Variants in RTKN2 observed in about 807,000 individuals in gnomAD.
The protein encoded by RTKN2 is rhotekin-2.
In RTKN2, 69 loss-of-function variants were observed where a neutral mutation model predicts 71.5. That is an observed-to-expected ratio of 0.96 (90% confidence interval 0.79 to 1.18). The LOEUF (loss-of-function observed/expected upper bound fraction) is 1.18, where lower values mean the gene tolerates loss of function less well. RTKN2 is among the 50% of genes most tolerant of loss of function. RTKN2 has a pLI of 0.00. For missense variants in RTKN2, 724 were observed against 719.7 expected, an observed-to-expected ratio of 1.01 and a Z score of -0.07; for synonymous variants, 236 against 236.5, an observed-to-expected ratio of 1.00 and a Z score of 0.02.
intron 2 of RTKN2, among the ~76,000 whole-genome samples, chr10:62,255,248 A>T (rs1379507286): frequency 6.6e-6 from 1 of 152,176 alleles, no homozygotes; most frequent in African/African-American, 2.4e-5. Context: ...CATCTCTTTC[A>T]TCACTATGTC....
At chr10:62,239,831 G>A (rs1179772056) in intron 4 of RTKN2, 66 bp from the exon 5 acceptor site, 1 of 786,064 alleles carries the variant, frequency 1.3e-6, no homozygotes, top group Non-Finnish European at 2.2e-6. Flanking sequence ...AAATCTACTT[G>A]AAAATAAATA....
intron 6 of RTKN2, among the ~76,000 whole-genome samples, chr10:62,232,784 C>T (rs768245600): frequency 4.6e-5 from 7 of 151,518 alleles, no homozygotes; most frequent in Non-Finnish European, 7.4e-5. Flanking sequence ...AAAATAGTAA[C>T]CATAATGGTA....
chr10:62,222,675 A>T (rs10733771), intron 7 of RTKN2, among the ~76,000 whole-genome samples: 1 of 151,944 alleles, frequency 6.6e-6, no homozygotes, highest in Admixed American at 6.6e-5. Flanking sequence ...TTTTCATCAC[A>T]AGTAAAATAA....
chr10:62,194,963 A>C lies in RTKN2; in HGVS notation c.*2945T>G, dbSNP rs1798098577. 7.1e-6 allele frequency: 7 copies of C among 985,300 alleles called. No homozygotes were observed. The highest frequency in any genetic ancestry group is 1.7e-5 in the African/African-American group (1 of 57,246). 61.0% of individuals were successfully genotyped at this position (985,300 alleles called of 1,614,324 possible). On this transcript the variant is annotated 3_prime_UTR_variant, in exon 12 of 12. Coordinates refer to ENST00000373789, the MANE Select transcript of RTKN2 (RefSeq NM_145307.4). The stretch of plus-strand genomic sequence containing the variant: ...AAGGAGGATTTAACAAAACTCAGCA[A>C]GAGTTGGCACGCCTGATATTTTTGA...
downstream of RTKN2, among the ~76,000 whole-genome samples, chr10:62,189,459 G>C (rs947972840): frequency 1.3e-5 from 2 of 152,156 alleles, no homozygotes; most frequent in East Asian, 3.9e-4. Context: ...TGATGTTGCT[G>C]AGGACCCCTG....
chr10:62,217,025 T>C (rs1404671127), intron 9 of RTKN2, 93 bp downstream of exon 9: 11 of 933,618 alleles, frequency 1.2e-5, no homozygotes, highest in Non-Finnish European at 1.7e-5. Flanking sequence ...AGTACTTCTC[T>C]TTTATTTATA....
intron 1 of RTKN2, among the ~76,000 whole-genome samples, chr10:62,264,571 T>C (rs940363342): frequency 6.6e-6 from 1 of 152,204 alleles, no homozygotes; most frequent in East Asian, 1.9e-4. Flanking sequence ...CTGACTATAT[T>C]GGGGAGTGCA....
intron 2 of RTKN2, among the ~76,000 whole-genome samples, chr10:62,262,161 T>C (rs1842785908): frequency 6.6e-6 from 1 of 152,238 alleles, no homozygotes; most frequent in South Asian, 2.1e-4. Flanking sequence ...GGACTTATGT[T>C]CACCATATCA....
At chr10:62,218,811 C>T (rs980506163) in intron 7 of RTKN2, among the ~76,000 whole-genome samples, 3 of 87,080 alleles carry the variant, frequency 3.4e-5, no homozygotes, top group Admixed American at 1.3e-4. Context: ...TATGGTGAAA[C>T]CCTGTCTCTA....
chr10:62,265,474 C>A (rs1426191015), intron 1 of RTKN2, among the ~76,000 whole-genome samples: 1 of 152,058 alleles, frequency 6.6e-6, no homozygotes, highest in Non-Finnish European at 1.5e-5. Context: ...CTCGCTGAGG[C>A]AGGTCTCAGG....
intron 6 of RTKN2, among the ~76,000 whole-genome samples, chr10:62,224,649 T>G (rs1841981990): frequency 6.6e-6 from 1 of 152,134 alleles, no homozygotes; most frequent in Admixed American, 6.5e-5. Flanking sequence ...AATGCAACTT[T>G]TTCTATGAAA....
At chr10:62,202,035 A>G (rs1316375386) in intron 10 of RTKN2, among the ~76,000 whole-genome samples, 2 of 152,182 alleles carry the variant, frequency 1.3e-5, no homozygotes, top group Non-Finnish European at 2.9e-5. Flanking sequence ...ATGTAACTCA[A>G]TATTTATATT....
chr10:62,202,368 TA>T (rs1223149695), intron 10 of RTKN2, among the ~76,000 whole-genome samples: 1 of 152,212 alleles, frequency 6.6e-6, no homozygotes, highest in Non-Finnish European at 1.5e-5. Context: ...AAATTTCTCT[TA>T]CTTTATTCTG....
chr10:62,192,211 C>T (rs1396267606), downstream of RTKN2, among the ~76,000 whole-genome samples: 1 of 152,074 alleles, frequency 6.6e-6, no homozygotes, highest in African/African-American at 2.4e-5. Context: ...GCAAGTCTTC[C>T]ACTCTTGTGT....
chr10:62,198,530 G>GCTAT, intron 11 of RTKN2, 87 bp from the exon 12 acceptor site: 1 of 1,014,056 alleles, frequency 9.9e-7, no homozygotes, highest in Admixed American at 3.2e-5. Flanking sequence ...AAACTAGTAT[G>GCTAT]CTATATACAA....
chr10:62,195,369 A>G lies in RTKN2; in HGVS notation c.*2539T>C, dbSNP rs1841301753. On this transcript the variant is annotated 3_prime_UTR_variant, in exon 12 of 12. Coordinates refer to ENST00000373789, the MANE Select transcript of RTKN2 (RefSeq NM_145307.4). Reference sequence around the variant, plus strand: ...ATATTACATGGCATATTTATTTGTCATAAACTTCTGGTTTAAGAAATGAGA... The same window carrying G: ...ATATTACATGGCATATTTATTTGTCGTAAACTTCTGGTTTAAGAAATGAGA... 2 of 983,404 alleles carry G rather than the reference A, an allele frequency of 2.0e-6. No individual in the cohort carries two copies. Among genetic ancestry groups the G allele is most frequent in the Non-Finnish European group, 2.4e-6 (2 of 828,092 alleles). 60.9% of individuals were successfully genotyped at this position (983,404 alleles called of 1,614,324 possible). A position where few individuals can be genotyped will look rare whatever the true frequency, so the allele number is the denominator to read the frequency against.
chr10:62,185,756 A>G (rs925158983), intron 8 of RTKN2, among the ~76,000 whole-genome samples: 1 of 152,226 alleles, frequency 6.6e-6, no homozygotes, highest in Non-Finnish European at 1.5e-5. Flanking sequence ...GCACAGTTAC[A>G]TGTGACTGCT....
At chr10:62,240,279 T>C (rs1280974430) in intron 4 of RTKN2, among the ~76,000 whole-genome samples, 1 of 147,302 alleles carries the variant, frequency 6.8e-6, no homozygotes, top group Non-Finnish European at 1.5e-5. Flanking sequence ...AACAATAAAA[T>C]AGACATGAGA....
rs1308720104 is a variant in RTKN2 at position 62,199,322 on chromosome 10, C to CT, written c.1294+431dup. Reference sequence around the variant, plus strand: ...CCAAAGTATTAAACTTAACCAATTTCTTTTTTCTGGCTAGAGATGAAAGCT... The same window carrying CT: ...CCAAAGTATTAAACTTAACCAATTTCTTTTTTTCTGGCTAGAGATGAAAGCT... On this transcript the variant is annotated intron_variant, in intron 11 of 11. Transcript: ENST00000373789. Among the ~76,000 whole-genome samples the CT allele has an allele frequency of 2.0e-5, 3 of 152,232 alleles. No homozygotes were observed. The East Asian group carries it at 5.8e-4, about 29-fold the overall frequency.
Sources: allele counts gnomAD v4.1 joint callset (sites outside exome capture counted in the v4.1 genomes callset), GRCh38; gene constraint gnomAD v4.1.1; transcripts MANE v1.5; gene names NCBI Gene and HGNC (gene_info 2026-07-23, HGNC 2026-07-21).